Variants in PIK3C2G observed in about 807,000 individuals in gnomAD.
PIK3C2G encodes the protein phosphatidylinositol 3-kinase C2 domain-containing subunit gamma.
PIK3C2G carries 168 observed loss-of-function variants against 181.1 expected under a neutral mutation model. The ratio of observed to expected loss-of-function variants is 0.93; its 90% confidence interval spans 0.82 to 1.05. The LOEUF (loss-of-function observed/expected upper bound fraction) is 1.05. Among genes scored for constraint, PIK3C2G ranks in the 50% least tolerant of loss-of-function variants. The pLI is 0.00. For synonymous variants in PIK3C2G, 573 were observed against 592.2 expected (o/e 0.97, Z 0.47); for missense variants, 1,869 against 1,732.8 (o/e 1.08, Z -1.40).
Position 18,488,577 on chromosome 12 carries a change from T to C in PIK3C2G, c.2633T>C (p.Ile878Thr). 6.4e-7 allele frequency: 1 copy of C among 1,574,780 alleles called. No homozygotes were observed. The highest frequency in any genetic ancestry group is 8.6e-7 in the Non-Finnish European group (1 of 1,160,082). The change falls in exon 19 of 33, where the codon ATT (isoleucine) becomes ACT (threonine). Residue 878 changes from isoleucine (I) to threonine (T), a missense_variant. Ile to Thr is a moderately conservative substitution (Grantham distance 89, BLOSUM62 -1). Coordinates refer to ENST00000538779, the MANE Select transcript of PIK3C2G (RefSeq NM_001288772.2). ...TCCAAGGAGCAGAAACTTATCAAAA[T>C]TCTGGGAGATATTGGGGAAAGAGTC... ...EFSKEQKLIKILGDIGERVKS... is the reference protein window; with the variant it reads ...EFSKEQKLIKTLGDIGERVKS...
chr12:18,562,900 T>C lies in PIK3C2G; in HGVS notation c.3780+8T>C. The C allele has an allele frequency of 6.4e-7, 1 of 1,572,710 alleles. No individual in the cohort carries two copies. Among genetic ancestry groups the C allele is most frequent in the Non-Finnish European group, 8.7e-7 (1 of 1,153,266 alleles). On this transcript the variant is annotated splice_region_variant and intron_variant, in intron 27 of 32. Transcript: ENST00000538779. ...AGCAAGAAATCCAGTAATGTAAGTTTAAAGTCCGTCATCTTGACTTACGTA... is the reference window on the plus strand; with the variant it reads ...AGCAAGAAATCCAGTAATGTAAGTTCAAAGTCCGTCATCTTGACTTACGTA...
chr12:18,315,129 G>A (rs995963958), intron 6 of PIK3C2G, among the ~76,000 whole-genome samples: 2 of 152,044 alleles, frequency 1.3e-5, no homozygotes, highest in African/African-American at 2.4e-5. Context: ...GATTTCCAGT[G>A]GATGTTTTCT....
At chr12:18,391,312 T>A in intron 15 of PIK3C2G, 60 bp downstream of exon 15, 2 of 1,333,974 alleles carry the variant, frequency 1.5e-6, no homozygotes, top group Non-Finnish European at 2.0e-6. Flanking sequence ...TCCTCAATCA[T>A]TCTTGAAGCA....
At chr12:18,291,830 G>T (rs1211062327) in intron 4 of PIK3C2G, among the ~76,000 whole-genome samples, 2 of 150,904 alleles carry the variant, frequency 1.3e-5, no homozygotes, top group Admixed American at 6.6e-5. Context: ...TGTTATATTG[G>T]TATATTAGTT....
intron 31 of PIK3C2G, among the ~76,000 whole-genome samples, chr12:18,630,941 A>C (rs920640290): frequency 3.9e-5 from 6 of 152,084 alleles, no homozygotes; most frequent in African/African-American, 1.4e-4. Flanking sequence ...ATCATTCTTC[A>C]GGGGAGTGTT....
chr12:18,285,423 T>C (rs952863293), intron 2 of PIK3C2G: 41 of 151,982 alleles, frequency 2.7e-4, no homozygotes, highest in African/African-American at 9.7e-4. Context: ...TGAAGAGTGA[T>C]AGAAATAGTA....
chr12:18,332,412 C>G (rs1398556134), intron 8 of PIK3C2G, among the ~76,000 whole-genome samples: 2 of 152,124 alleles, frequency 1.3e-5, no homozygotes, highest in African/African-American at 4.8e-5. Flanking sequence ...CTTAGGCAGA[C>G]TCTGTGTACT....
chr12:18,401,297 A>C (rs1422529772), intron 16 of PIK3C2G, among the ~76,000 whole-genome samples: 1 of 152,192 alleles, frequency 6.6e-6, no homozygotes, highest in African/African-American at 2.4e-5. Context: ...CAGTTGCATT[A>C]GTTAATAAAA....
intron 31 of PIK3C2G, among the ~76,000 whole-genome samples, chr12:18,611,308 G>A (rs1352366449): frequency 6.6e-6 from 1 of 152,014 alleles, no homozygotes; most frequent in Non-Finnish European, 1.5e-5. Flanking sequence ...TAATACCAAT[G>A]CTCTCAAAAA....
the PIK3C2G span, among the ~76,000 whole-genome samples, chr12:18,704,479 C>T: frequency 2.6e-5 from 4 of 152,020 alleles, no homozygotes; most frequent in South Asian, 2.1e-4. Context: ...GTGGATGCCA[C>T]GACACCCAGC....
At chr12:18,705,231 T>C in the PIK3C2G span, 2 of 1,613,904 alleles carry the variant, frequency 1.2e-6, no homozygotes, top group Non-Finnish European at 1.7e-6. Context: ...TCTCCAAAAG[T>C]AGCCTGCAAA....
chr12:18,362,706 T>A, intron 11 of PIK3C2G, 58 bp from the exon 12 acceptor site: 1 of 1,290,580 alleles, frequency 7.7e-7, no homozygotes, highest in Non-Finnish European at 1.0e-6. Context: ...TTGACCCATA[T>A]AGAAAGCTAG....
chr12:18,377,509 T>C (rs1466448428), intron 13 of PIK3C2G, among the ~76,000 whole-genome samples: 1 of 152,132 alleles, frequency 6.6e-6, no homozygotes, highest in East Asian at 1.9e-4. Context: ...CTAACTGACA[T>C]CTTCCCATCT....
At chr12:18,586,609 A>G (rs1036911399) in intron 29 of PIK3C2G, among the ~76,000 whole-genome samples, 1 of 152,182 alleles carries the variant, frequency 6.6e-6, no homozygotes, top group Non-Finnish European at 1.5e-5. Flanking sequence ...GCCCAGGATC[A>G]GAAAGATTCA....
intron 21 of PIK3C2G, 96 bp downstream of exon 21, chr12:18,496,250 C>A (rs1941003455): frequency 1.4e-6 from 1 of 734,290 alleles, no homozygotes; most frequent in South Asian, 1.8e-5. Context: ...TTTCCTCCAG[C>A]AACAACACAT....
intron 9 of PIK3C2G, among the ~76,000 whole-genome samples, chr12:18,340,412 G>T (rs985222024): frequency 2.0e-5 from 3 of 152,188 alleles, no homozygotes; most frequent in African/African-American, 7.2e-5. Flanking sequence ...GCTTGTATCA[G>T]AGTCTTAAAA....
Position 18,282,653 on chromosome 12 carries a change from A to G in PIK3C2G, c.572A>G (p.Glu191Gly). 1.9e-6 allele frequency: 3 copies of G among 1,613,494 alleles called. No individual in the cohort carries two copies. Among genetic ancestry groups the G allele is most frequent in the Non-Finnish European group, 2.5e-6 (3 of 1,179,446 alleles). ...SFSSDFMPKE[E>G]NKRSGHVNIV... ...TCAAGTGACTTCATGCCGAAAGAAGAGAATAAAAGGAGTGGACATGTGAAC... is the reference window on the plus strand; with the variant it reads ...TCAAGTGACTTCATGCCGAAAGAAGGGAATAAAAGGAGTGGACATGTGAAC... The change falls in exon 2 of 33, where the codon GAG becomes GGG. Residue 191 changes from glutamate to glycine, a missense_variant. Coordinates refer to ENST00000538779, the MANE Select transcript of PIK3C2G (RefSeq NM_001288772.2).
intron 18 of PIK3C2G, among the ~76,000 whole-genome samples, chr12:18,427,277 T>C (rs1945870141): frequency 6.6e-6 from 1 of 151,700 alleles, no homozygotes; most frequent in South Asian, 2.1e-4. Context: ...AGGCCAAGGC[T>C]GGTGGATCAC....
rs12826010 is a variant in PIK3C2G, at chr12:18,615,377, A to G, written c.4182+5748A>G. Among the ~76,000 whole-genome samples, 73 of 111,702 alleles carry G rather than the reference A, an allele frequency of 6.5e-4. 1 individual carries two copies. The highest frequency in any genetic ancestry group is 1.9e-3 in the African/African-American group (62 of 32,852). 73.3% of individuals were successfully genotyped at this position (111,702 alleles called of 152,430 possible). ...TGTGTGTGTGTGTGTGTGTATGTGT[A>G]TATATATATATCACGGTAGTATTAC... On this transcript the variant is annotated intron_variant, in intron 31 of 32. Coordinates refer to ENST00000538779, the MANE Select transcript of PIK3C2G (RefSeq NM_001288772.2).
Sources: gnomAD v4.1 joint callset for allele counts (sites outside exome capture counted in the v4.1 genomes callset) on GRCh38, gnomAD v4.1.1 for gene constraint, MANE v1.5 for transcripts, NCBI Gene and HGNC (gene_info 2026-07-23, HGNC 2026-07-21) for gene names.